SPACDR: variants seen among roughly 807,000 people sequenced by gnomAD.
SPACDR encodes the protein sperm acrosome developmental regulator, also known as uncharacterized protein C7orf61.
At chr7:100,464,099 T>TTG in the SPACDR span, 5 of 283,564 alleles carry the variant, frequency 1.8e-5, no homozygotes, top group African/African-American at 4.0e-5. Context: ...GGGTGGGGGA[T>TTG]GGGGTGGGCT....
At chr7:100,456,769 C>T in the SPACDR span, 2 of 1,609,878 alleles carry the variant, frequency 1.2e-6, no homozygotes, top group South Asian at 1.1e-5. Context: ...GGACTTTGGG[C>T]ATCCAGTTTC....
chr7:100,457,841 G>GTGTGTGTGTGTGTA, the SPACDR span, among the ~76,000 whole-genome samples: 133 of 85,036 alleles, frequency 1.6e-3, no homozygotes, highest in East Asian at 0.017. Flanking sequence ...GTGTGTGTGT[G>GTGTGTGTGTGTGTA]TATATATATA....
chr7:100,456,705 C>G, the SPACDR span: 1 of 1,286,960 alleles, frequency 7.8e-7, no homozygotes, highest in South Asian at 1.5e-5. Context: ...GATATGGGAC[C>G]CCAGGTAAGA....
At chr7:100,459,151 C>T in the SPACDR span, among the ~76,000 whole-genome samples, 2 of 146,412 alleles carry the variant, frequency 1.4e-5, no homozygotes, top group Non-Finnish European at 3.0e-5. Flanking sequence ...CTACAGGCGC[C>T]TGCCACCACG....
At chr7:100,462,034 A>G in the SPACDR span, among the ~76,000 whole-genome samples, 8 of 151,182 alleles carry the variant, frequency 5.3e-5, no homozygotes, top group Non-Finnish European at 1.0e-4. Context: ...AGGTTTGGAT[A>G]ACATGCCTCT....
chr7:100,457,309 G>A, the SPACDR span, among the ~76,000 whole-genome samples: 1 of 147,196 alleles, frequency 6.8e-6, no homozygotes, highest in Non-Finnish European at 1.5e-5. Context: ...TGGCCCATCA[G>A]TTCTATTCTT....
chr7:100,460,513 C>T, the SPACDR span, among the ~76,000 whole-genome samples: 2 of 151,766 alleles, frequency 1.3e-5, no homozygotes, highest in Non-Finnish European at 1.5e-5. Context: ...ATTGCTTGAA[C>T]CTGGCAGGCA....
the SPACDR span, among the ~76,000 whole-genome samples, chr7:100,457,607 C>T: frequency 6.8e-6 from 1 of 146,432 alleles, no homozygotes; most frequent in Non-Finnish European, 1.5e-5. Context: ...GCGTGAGCCA[C>T]CATGCCTGGC....
chr7:100,463,289 A>C, the SPACDR span: 8 of 1,263,512 alleles, frequency 6.3e-6, no homozygotes, highest in Middle Eastern at 2.8e-4. Flanking sequence ...ACAATTGTTG[A>C]ACAAGTAATC....
chr7:100,463,831 CT>C, the SPACDR span: 1 of 1,286,726 alleles, frequency 7.8e-7, no homozygotes, highest in Non-Finnish European at 1.1e-6. Context: ...CCCAGCTGTC[CT>C]TTCCTTCCTC....
At chr7:100,461,862 G>A in the SPACDR span, among the ~76,000 whole-genome samples, 6 of 151,340 alleles carry the variant, frequency 4.0e-5, no homozygotes, top group Admixed American at 1.3e-4. Context: ...GCGTGGTGGC[G>A]GGTGCCTGTA....
chr7:100,457,207 T>C, the SPACDR span, among the ~76,000 whole-genome samples: 1 of 151,930 alleles, frequency 6.6e-6, no homozygotes, highest in Non-Finnish European at 1.5e-5. Flanking sequence ...CTTGCTATGT[T>C]GCCCAGGCTG....
chr7:100,464,171 G>T, the SPACDR span: 1 of 1,497,694 alleles, frequency 6.7e-7, no homozygotes. Context: ...AGTAAAGAAA[G>T]AAGTAGGAAA....
chr7:100,463,772 G>C, the SPACDR span: 6 of 1,330,338 alleles, frequency 4.5e-6, no homozygotes, highest in Non-Finnish European at 6.5e-6. Flanking sequence ...GCACAAAAGG[G>C]ATGGAGCAGT....
the SPACDR span, chr7:100,463,636 G>A: frequency 2.5e-6 from 4 of 1,613,952 alleles, no homozygotes; most frequent in South Asian, 4.4e-5. Context: ...GTTTCTTGGA[G>A]TCAGGGTGTC....
chr7:100,463,988 C>A, the SPACDR span: 3 of 1,607,948 alleles, frequency 1.9e-6, no homozygotes, highest in East Asian at 2.2e-5. Flanking sequence ...TTGCCAAGCC[C>A]GTCTAACCCA....
chr7:100,462,357 C>T, the SPACDR span, among the ~76,000 whole-genome samples: 6 of 148,872 alleles, frequency 4.0e-5, no homozygotes, highest in Admixed American at 6.7e-5. Context: ...GGGACTACAG[C>T]CACCTGCCAC....
At chr7:100,456,736 G>A in the SPACDR span, 2 of 1,564,098 alleles carry the variant, frequency 1.3e-6, no homozygotes, top group East Asian at 2.3e-5. Context: ...GACTCTCTAA[G>A]GGTCTGGGGT....
chr7:100,461,986 C>CAA, the SPACDR span, among the ~76,000 whole-genome samples: 9 of 59,874 alleles, frequency 1.5e-4, no homozygotes, highest in South Asian at 3.2e-3. Context: ...GACTCCGTCT[C>CAA]AAAAAAAAAA....
Sources: gnomAD v4.1 joint callset for allele counts (sites outside exome capture counted in the v4.1 genomes callset) on GRCh38, gnomAD v4.1.1 for gene constraint, MANE v1.5 for transcripts, NCBI Gene and HGNC (gene_info 2026-07-23, HGNC 2026-07-21) for gene names.